The following INKA2 variants were observed in gnomAD, a reference collection of about 807,000 sequenced individuals.
INKA2 encodes PAK4-inhibitor INKA2.
Under a neutral mutation model 9.8 loss-of-function variants are expected in INKA2, and 3 were observed. The observed-to-expected ratio is 0.31, with a 90% CI of 0.14 to 0.79. The LOEUF is 0.79. Among genes scored for constraint, INKA2 ranks in the 30% least tolerant of loss-of-function variants. The pLI, the probability that INKA2 is intolerant of heterozygous loss-of-function variation, is 0.62. For synonymous variants in INKA2, 147 were observed against 143.3 expected (o/e 1.03, Z -0.18); for missense variants, 392 against 384.4 (o/e 1.02, Z -0.17).
chr1:111,739,495 A>AGGGCGGCC, upstream of INKA2: 1 of 1,299,768 alleles, frequency 7.7e-7, no homozygotes. Context: ...GCCAATGGGC[A>AGGGCGGCC]GGGCGGCCGG....
intron 1 of INKA2, chr1:111,754,034 AC>A (rs1361546787): frequency 7.2e-5 from 11 of 152,372 alleles, no homozygotes; most frequent in African/African-American, 2.4e-4. Flanking sequence ...GGCCAGAGAA[AC>A]CATTCAGGAG....
chr1:111,728,919 T>TTTTTTTTTC lies in INKA2; in HGVS notation c.58-1116_58-1115insGAAAAAAAA, dbSNP rs57795056. Among the ~76,000 whole-genome samples, 50 of 150,452 alleles carry TTTTTTTTTC rather than the reference T, an allele frequency of 3.3e-4. 1 individual carries two copies. The highest frequency in any genetic ancestry group is 1.2e-3 in the African/African-American group (49 of 40,852). ...GGAGCTAGGCTTTTTTTTTTTTTTT[T>TTTTTTTTTC]CAAACAGGGTCTTGCTGTTTGCTGG... On this transcript the variant is annotated intron_variant, in intron 1 of 1. Coordinates refer to ENST00000357260, the MANE Select transcript of INKA2 (RefSeq NM_019099.5).
intron 1 of INKA2, chr1:111,745,293 A>ATATATATATATATATATTT (rs1358304932): frequency 6.1e-5 from 3 of 49,266 alleles, no homozygotes; most frequent in Non-Finnish European, 1.1e-4. Flanking sequence ...ATATATATAT[A>ATATATATATATATATATTT]TTTTTTTTTT....
intron 1 of INKA2, among the ~76,000 whole-genome samples, chr1:111,750,988 C>T (rs1434790920): frequency 6.6e-6 from 1 of 152,226 alleles, no homozygotes; most frequent in East Asian, 1.9e-4. Context: ...ACAAACTGTT[C>T]TCTGTGCCTA....
intron 1 of INKA2, among the ~76,000 whole-genome samples, chr1:111,752,914 G>A (rs11102331): frequency 0.05 from 7,629 of 152,152 alleles, 248 homozygotes; most frequent in Non-Finnish European, 0.07. Flanking sequence ...TAGCCAGGAT[G>A]GTCTTGATCT....
Position 111,725,138 on chromosome 1 carries a change from CT to C in INKA2, c.*1829del, listed in dbSNP as rs1417814318. 4 of 152,446 alleles carry C rather than the reference CT, an allele frequency of 2.6e-5. No homozygotes were observed. The allele number at this position is 152,446 out of a possible 1,614,324, so 9.4% of individuals were successfully genotyped here. A position where few individuals can be genotyped will look rare whatever the true frequency, so the allele number is the denominator to read the frequency against. On this transcript the variant is annotated 3_prime_UTR_variant, in exon 2 of 2. Coordinates refer to ENST00000357260, the MANE Select transcript of INKA2 (RefSeq NM_019099.5). Reference sequence around the variant, plus strand: ...CTTGAGCTCTGCCCCTCTCTCCACTCTCCCCAGGGATCCAGGAAGCAAGCAG... The same window carrying C: ...CTTGAGCTCTGCCCCTCTCTCCACTCCCCCAGGGATCCAGGAAGCAAGCAG...
intron 1 of INKA2, among the ~76,000 whole-genome samples, chr1:111,749,053 G>A (rs1663335998): frequency 6.6e-6 from 1 of 152,188 alleles, no homozygotes. Flanking sequence ...AAATGTGAGC[G>A]AAGCTGCCTT....
intron 1 of INKA2, chr1:111,754,549 T>C (rs1419732654): frequency 6.6e-6 from 1 of 152,216 alleles, no homozygotes; most frequent in African/African-American, 2.4e-5. Context: ...TTTTAAGAAT[T>C]TGAGACAGGG....
In INKA2 at chr1:111,739,329, C is replaced by A. The variant is rs1398132282; in HGVS notation, c.-87G>T. 8.9e-6 allele frequency: 14 copies of A among 1,577,992 alleles called. No homozygotes were observed. The highest frequency in any genetic ancestry group is 2.4e-5 in the East Asian group (1 of 42,406). Reference sequence around the variant, plus strand: ...GAAACTGCGCTCCGGGCCGGCTCCCCGCCCCTGCGCCCGTAGCGCTCGCAG... The same window carrying A: ...GAAACTGCGCTCCGGGCCGGCTCCCAGCCCCTGCGCCCGTAGCGCTCGCAG... On this transcript the variant is annotated 5_prime_UTR_variant, in exon 1 of 2. Transcript: ENST00000357260.
intron 1 of INKA2, among the ~76,000 whole-genome samples, chr1:111,731,254 G>T (rs1217197665): frequency 6.6e-6 from 1 of 152,106 alleles, no homozygotes; most frequent in Non-Finnish European, 1.5e-5. Flanking sequence ...TTAATAATTT[G>T]GTTTCTGGAG....
Position 111,726,908 on chromosome 1 carries a change from C to G in INKA2, c.*60G>C, listed in dbSNP as rs1191854540. ...CATACCGCCCACCCTCCCTCCTCCC[C>G]AGGGGCCCAGCACTGGGACCTGGCC... On this transcript the variant is annotated 3_prime_UTR_variant, in exon 2 of 2. Coordinates refer to ENST00000357260, the MANE Select transcript of INKA2 (RefSeq NM_019099.5). The G allele has an allele frequency of 6.6e-7, 1 of 1,514,890 alleles. No individual in the cohort carries two copies. The highest frequency in any genetic ancestry group is 2.3e-5 in the East Asian group (1 of 44,006). 93.8% of individuals were successfully genotyped at this position (1,514,890 alleles called of 1,614,324 possible).
At chr1:111,751,355 A>C (rs1266866905) in intron 1 of INKA2, among the ~76,000 whole-genome samples, 1 of 152,208 alleles carries the variant, frequency 6.6e-6, no homozygotes, top group Non-Finnish European at 1.5e-5. Flanking sequence ...CACTTTGAAC[A>C]ACTAAGGCCC....
intron 1 of INKA2, among the ~76,000 whole-genome samples, chr1:111,736,182 C>T (rs1557911706): frequency 6.6e-6 from 1 of 152,216 alleles, no homozygotes; most frequent in Non-Finnish European, 1.5e-5. Flanking sequence ...CCCAACCCCT[C>T]ATTCTAATGA....
chr1:111,746,251 A>AG (rs1455419529), intron 1 of INKA2: 1 of 152,246 alleles, frequency 6.6e-6, no homozygotes, highest in East Asian at 1.9e-4. Context: ...TGACTGCACT[A>AG]GCAACAGTCT....
intron 1 of INKA2, among the ~76,000 whole-genome samples, chr1:111,751,543 G>A (rs1390600920): frequency 6.6e-6 from 1 of 152,302 alleles, no homozygotes; most frequent in East Asian, 1.9e-4. Flanking sequence ...CTGTGACTTT[G>A]AGCAGATTAC....
intron 1 of INKA2, among the ~76,000 whole-genome samples, chr1:111,752,854 C>T (rs969041175): frequency 5.9e-5 from 9 of 152,196 alleles, no homozygotes; most frequent in East Asian, 1.9e-4. Context: ...CCACCACGCC[C>T]GGCTAACTTT....
At chr1:111,732,574 C>G (rs1662932681) in intron 1 of INKA2, among the ~76,000 whole-genome samples, 1 of 151,198 alleles carries the variant, frequency 6.6e-6, no homozygotes, top group South Asian at 2.1e-4. Context: ...CTGTTACACA[C>G]ACACACACAC....
At chr1:111,741,098 G>C (rs917005685), upstream of INKA2, among the ~76,000 whole-genome samples, 1 of 150,812 alleles carries the variant, frequency 6.6e-6, no homozygotes, top group African/African-American at 2.4e-5. Flanking sequence ...GGACAGAGAT[G>C]GAGGGGAAGA....
In INKA2 at chr1:111,722,616, C is replaced by T. The variant is rs563076634; in HGVS notation, c.*4352G>A. The T allele has an allele frequency of 2.5e-4, 39 of 155,252 alleles. No homozygotes were observed. Among genetic ancestry groups the T allele is most frequent in the South Asian group, 5.5e-4 (3 of 5,420 alleles). 9.6% of individuals were successfully genotyped at this position (155,252 alleles called of 1,614,324 possible). A position where few individuals can be genotyped will look rare whatever the true frequency, so the allele number is the denominator to read the frequency against. The stretch of plus-strand genomic sequence containing the variant: ...AGCCTTTCTCCACCTCCACACCCCC[C>T]GCCTCCCCAGTGCATGTCATCCTTT... On this transcript the variant is annotated 3_prime_UTR_variant, in exon 2 of 2. Transcript: ENST00000357260.
Sources: allele counts gnomAD v4.1 joint callset (sites outside exome capture counted in the v4.1 genomes callset), GRCh38; gene constraint gnomAD v4.1.1; transcripts MANE v1.5; gene names NCBI Gene and HGNC (gene_info 2026-07-23, HGNC 2026-07-21).